PPP1R37: variants seen among roughly 807,000 people sequenced by gnomAD.
PPP1R37 encodes leucine rich repeat containing 68.
PPP1R37 carries 21 observed loss-of-function variants against 61.0 expected under a neutral mutation model. That is an observed-to-expected ratio of 0.34 (90% confidence interval 0.24 to 0.50). PPP1R37 has a LOEUF of 0.50. Among genes scored for constraint, PPP1R37 ranks in the 20% least tolerant of loss-of-function variants. The pLI is 0.98. For missense variants in PPP1R37, 910 were observed against 952.7 expected, an observed-to-expected ratio of 0.96 and a Z score of 0.59; for synonymous variants, 443 against 433.5, an observed-to-expected ratio of 1.02 and a Z score of -0.27.
chr19:45,144,767 C>T, intron 8 of PPP1R37, 87 bp from the exon 9 acceptor site: 2 of 1,205,414 alleles, frequency 1.7e-6, no homozygotes, highest in Non-Finnish European at 2.3e-6. Context: ...GGGCCTGGCT[C>T]TCTTCCCGGC....
At chr19:45,114,573 C>T (rs1968240864) in intron 1 of PPP1R37, among the ~76,000 whole-genome samples, 1 of 152,214 alleles carries the variant, frequency 6.6e-6, no homozygotes, top group Non-Finnish European at 1.5e-5. Context: ...TCTGCAGACA[C>T]CCCAAATAGG....
In PPP1R37 at chr19:45,095,758, T is replaced by TAA. The variant is rs371559844; in HGVS notation, c.202+2250_202+2251dup. Among the ~76,000 whole-genome samples the TAA allele has an allele frequency of 1.9e-3, 226 of 117,096 alleles. 1 individual carries two copies. The highest frequency in any genetic ancestry group is 4.9e-3 in the African/African-American group (154 of 31,574). 76.8% of individuals were successfully genotyped at this position (117,096 alleles called of 152,430 possible). A position where few individuals can be genotyped will look rare whatever the true frequency, so the allele number is the denominator to read the frequency against. ...AGCTTGGGTGACAGAGACCCGGTCT[T>TAA]AAAAAAAAAAAAAAAAAAAAGAGTT... is the stretch of plus-strand genomic sequence containing the variant. On this transcript the variant is annotated intron_variant, in intron 1 of 12. Coordinates refer to ENST00000221462, the MANE Select transcript of PPP1R37 (RefSeq NM_019121.2).
At chr19:45,141,975 C>T in intron 5 of PPP1R37, 86 bp from the exon 6 acceptor site, 1 of 1,041,888 alleles carries the variant, frequency 9.6e-7, no homozygotes, top group Non-Finnish European at 1.3e-6. Context: ...GTCCTGGGGC[C>T]AGGGAGTGCT....
chr19:45,129,791 G>A (rs903471044), intron 1 of PPP1R37, among the ~76,000 whole-genome samples: 68 of 152,350 alleles, frequency 4.5e-4, no homozygotes, highest in Middle Eastern at 3.4e-3. Flanking sequence ...GATGGGGAGG[G>A]AAAAGGAGGA....
At chr19:45,134,649 C>G (rs1400390763) in intron 1 of PPP1R37, among the ~76,000 whole-genome samples, 1 of 151,470 alleles carries the variant, frequency 6.6e-6, no homozygotes. Context: ...TCCTTCACTT[C>G]CCAGGCTCAA....
chr19:45,117,705 C>T (rs1968287416), intron 1 of PPP1R37, among the ~76,000 whole-genome samples: 1 of 152,190 alleles, frequency 6.6e-6, no homozygotes, highest in African/African-American at 2.4e-5. Context: ...ATTGTCCCAG[C>T]CATCCCACCC....
intron 1 of PPP1R37, among the ~76,000 whole-genome samples, chr19:45,137,215 T>C (rs1968550197): frequency 1.3e-5 from 2 of 152,150 alleles, no homozygotes; most frequent in Admixed American, 1.3e-4. Flanking sequence ...CACCCTGAGG[T>C]AAAATCCAAG....
At chr19:45,138,686 A>AGTGG in intron 2 of PPP1R37, 75 bp downstream of exon 2, 2 of 1,017,246 alleles carry the variant, frequency 2.0e-6, no homozygotes, top group Non-Finnish European at 2.9e-6. Context: ...GCCCAGCAGG[A>AGTGG]GAGGGCCTCC....
At chr19:45,112,199 T>G (rs1209648356) in intron 1 of PPP1R37, among the ~76,000 whole-genome samples, 1 of 152,158 alleles carries the variant, frequency 6.6e-6, no homozygotes. Flanking sequence ...GTCTTGGAAC[T>G]CCTGACCTCA....
At chr19:45,120,447 C>T (rs944153896) in intron 1 of PPP1R37, among the ~76,000 whole-genome samples, 1 of 152,224 alleles carries the variant, frequency 6.6e-6, no homozygotes, top group Non-Finnish European at 1.5e-5. Context: ...GGCGGCAGGG[C>T]TCCACTGCGT....
At chr19:45,101,782 G>A (rs1005783150) in intron 1 of PPP1R37, among the ~76,000 whole-genome samples, 5 of 152,202 alleles carry the variant, frequency 3.3e-5, no homozygotes, top group African/African-American at 1.2e-4. Flanking sequence ...GACATGAATA[G>A]GGTGAGACTG....
At chr19:45,101,451 C>T (rs1314946256) in intron 1 of PPP1R37, among the ~76,000 whole-genome samples, 3 of 152,174 alleles carry the variant, frequency 2.0e-5, no homozygotes, top group Admixed American at 6.5e-5. Flanking sequence ...GCATGGGGGG[C>T]TCACGCCTGT....
intron 1 of PPP1R37, among the ~76,000 whole-genome samples, chr19:45,099,716 C>T (rs1817543295): frequency 6.6e-6 from 1 of 152,264 alleles, no homozygotes; most frequent in Non-Finnish European, 1.5e-5. Flanking sequence ...CTCTGTGACC[C>T]TAGTCTAGCA....
intron 8 of PPP1R37, chr19:45,144,144 G>C (rs935130708): frequency 3.3e-5 from 5 of 152,548 alleles, no homozygotes; most frequent in Admixed American, 2.6e-4. Flanking sequence ...CTCCCGAGTA[G>C]TTGGAACTAC....
intron 1 of PPP1R37, among the ~76,000 whole-genome samples, chr19:45,133,123 G>GAAA (rs1341560196): frequency 1.6e-4 from 25 of 152,244 alleles, no homozygotes; most frequent in African/African-American, 6.0e-4. Flanking sequence ...TGTTGCCCAG[G>GAAA]CTGGAGTGCA....
Position 45,096,013 on chromosome 19 carries a change from C to T in PPP1R37, c.202+2486C>T, listed in dbSNP as rs10420104. ...CCTAACTCCTGAGCCTCAGTCTTCC[C>T]ATCTGTGAAGTAGGTGGCAATACTC... On this transcript the variant is annotated intron_variant, in intron 1 of 12. Coordinates refer to ENST00000221462, the MANE Select transcript of PPP1R37 (RefSeq NM_019121.2). 3.9e-3 allele frequency among the ~76,000 whole-genome samples: 589 copies of T among 152,288 alleles called. 2 individuals carry two copies. The highest frequency in any genetic ancestry group is 0.014 in the African/African-American group (570 of 41,564).
intron 1 of PPP1R37, among the ~76,000 whole-genome samples, chr19:45,103,480 C>T (rs574698608): frequency 1.3e-5 from 2 of 152,208 alleles, no homozygotes; most frequent in East Asian, 3.8e-4. Flanking sequence ...ACCTTCACAC[C>T]CACCCCTCCC....
rs1269312892 is a variant in PPP1R37, at chr19:45,146,899, G to A, written c.*337G>A. On this transcript the variant is annotated 3_prime_UTR_variant, in exon 13 of 13. Transcript: ENST00000221462. ...TGCCCTGCGGAGGGCAGGCGTCCTG[G>A]GTGGTGGTGGGATGGTCCCCTGTGG... is the stretch of plus-strand genomic sequence containing the variant. The A allele has an allele frequency of 5.7e-6, 1 of 176,074 alleles. No individual in the cohort carries two copies. Among genetic ancestry groups the A allele is most frequent in the Non-Finnish European group, 1.2e-5 (1 of 82,038 alleles). The allele number at this position is 176,074 out of a possible 1,614,324, so 10.9% of individuals were successfully genotyped here.
At chr19:45,129,924 G>A (rs754516274) in intron 1 of PPP1R37, among the ~76,000 whole-genome samples, 1 of 152,178 alleles carries the variant, frequency 6.6e-6, no homozygotes, top group East Asian at 1.9e-4. Context: ...AATAATAGTC[G>A]AGGCAGACCT....
Sources: allele counts gnomAD v4.1 joint callset (sites outside exome capture counted in the v4.1 genomes callset), GRCh38; gene constraint gnomAD v4.1.1; transcripts MANE v1.5; gene names NCBI Gene and HGNC (gene_info 2026-07-23, HGNC 2026-07-21).